Variants in ADAMTS18 observed in about 807,000 individuals in gnomAD.
ADAMTS18 encodes the protein ADAM metallopeptidase with thrombospondin type 1 motif 18, also known as A disintegrin and metalloproteinase with thrombospondin motifs 18.
A neutral mutation model predicts 165.9 loss-of-function variants in ADAMTS18; 157 were observed. The ratio of observed to expected loss-of-function variants is 0.95; its 90% CI spans 0.83 to 1.08. The LOEUF is 1.08. Ranked by LOEUF, ADAMTS18 falls within the 50% of genes least tolerant of loss-of-function variation. ADAMTS18 has a pLI of 0.00. For synonymous variants in ADAMTS18, 782 were observed against 578.2 expected, an observed-to-expected ratio of 1.35 and a Z score of -5.06; for missense variants, 2,040 against 1,534.0, an observed-to-expected ratio of 1.33 and a Z score of -5.51.
intron 16 of ADAMTS18, 151 bp from the exon 17 acceptor site, chr16:77,300,555 T>A: frequency 1.1e-6 from 1 of 933,302 alleles, no homozygotes; most frequent in Non-Finnish European, 1.7e-6. Context: ...TTATGTTGAC[T>A]TAAAGCTTTC....
At chr16:77,388,585 T>C (rs1303895308) in intron 3 of ADAMTS18, among the ~76,000 whole-genome samples, 1 of 152,164 alleles carries the variant, frequency 6.6e-6, no homozygotes, top group Non-Finnish European at 1.5e-5. Flanking sequence ...GAACACAGAA[T>C]GAGGATAAAT....
At chr16:77,358,465 G>C (rs2056663904) in intron 8 of ADAMTS18, among the ~76,000 whole-genome samples, 1 of 152,160 alleles carries the variant, frequency 6.6e-6, no homozygotes, top group Non-Finnish European at 1.5e-5. Flanking sequence ...AGGAGGCAGA[G>C]GCAGGAGAAT....
chr16:77,330,786 C>A (rs1014650310), intron 12 of ADAMTS18, among the ~76,000 whole-genome samples: 17 of 152,172 alleles, frequency 1.1e-4, no homozygotes, highest in Admixed American at 5.9e-4. Context: ...GAAATAAAGT[C>A]TGTTCTGGGA....
intron 3 of ADAMTS18, among the ~76,000 whole-genome samples, chr16:77,372,736 T>G (rs2056894340): frequency 6.6e-6 from 1 of 152,150 alleles, no homozygotes; most frequent in South Asian, 2.1e-4. Flanking sequence ...AGGATATACC[T>G]CAGAGAAGCC....
At chr16:77,292,136 G>C (rs1013955369) in intron 20 of ADAMTS18, among the ~76,000 whole-genome samples, 1 of 151,010 alleles carries the variant, frequency 6.6e-6, no homozygotes, top group Non-Finnish European at 1.5e-5. Context: ...TGAAGCCTCA[G>C]CAACATGGTG....
At chr16:77,363,942 A>C in intron 5 of ADAMTS18, 57 bp from the exon 6 acceptor site, 1 of 1,519,324 alleles carries the variant, frequency 6.6e-7, no homozygotes, top group Non-Finnish European at 9.1e-7. Context: ...CTTAGGGGGA[A>C]TCAATCAGAC....
intron 11 of ADAMTS18, among the ~76,000 whole-genome samples, chr16:77,339,736 T>C (rs7202576): frequency 0.42 from 64,113 of 151,798 alleles, 14,195 homozygotes; most frequent in East Asian, 0.61. Context: ...GGCCCCAACA[T>C]TTCTATTAAC....
intron 17 of ADAMTS18, among the ~76,000 whole-genome samples, chr16:77,298,570 C>G (rs939143001): frequency 6.6e-6 from 1 of 152,042 alleles, no homozygotes; most frequent in Non-Finnish European, 1.5e-5. Context: ...GGAAGGCGGA[C>G]TGCTTGAGGC....
At chr16:77,291,057 G>A in intron 21 of ADAMTS18, 1 of 545,888 alleles carries the variant, frequency 1.8e-6, no homozygotes, top group Non-Finnish European at 3.2e-6. Flanking sequence ...AACTCTCCCA[G>A]ATAATGATTT....
chr16:77,344,609 C>A (rs1239968084), intron 10 of ADAMTS18, among the ~76,000 whole-genome samples: 1 of 152,110 alleles, frequency 6.6e-6, no homozygotes, highest in African/African-American at 2.4e-5. Context: ...AACCCACACC[C>A]AGTGCCTATG....
At position 77,379,048 on chromosome 16, in the gene ADAMTS18, CA is replaced by C. The variant is rs2056994197; in HGVS notation, c.496-11326del. On this transcript the variant is annotated intron_variant, in intron 3 of 22. Transcript: ENST00000282849. ...AGATATTTAAAGACAGAAGAGAAACCATAAATTTTTCTACCTTGGACAGATG... is the reference window on the plus strand; with the variant it reads ...AGATATTTAAAGACAGAAGAGAAACCTAAATTTTTCTACCTTGGACAGATG... The C allele has an allele frequency of 2.1e-5, 3 of 140,632 alleles. No individual in the cohort carries two copies. The East Asian group carries it at 8.3e-4, about 39-fold the overall frequency. The allele number at this position is 140,632 out of a possible 1,614,324, so 8.7% of individuals were successfully genotyped here. A position where few individuals can be genotyped will look rare whatever the true frequency, so the allele number is the denominator to read the frequency against.
At chr16:77,333,501 A>T (rs576975043) in intron 12 of ADAMTS18, among the ~76,000 whole-genome samples, 10 of 151,588 alleles carry the variant, frequency 6.6e-5, no homozygotes, top group Admixed American at 2.6e-4. Context: ...CCAAAAAAAA[A>T]AAAATAAAAC....
chr16:77,357,161 T>A (rs968557510), intron 8 of ADAMTS18, among the ~76,000 whole-genome samples: 3 of 152,138 alleles, frequency 2.0e-5, no homozygotes, highest in Admixed American at 1.3e-4. Context: ...TATCCTGATA[T>A]AATTTCATTT....
intron 5 of ADAMTS18, 110 bp from the exon 6 acceptor site, chr16:77,363,995 G>C (rs2056754633): frequency 1.6e-6 from 2 of 1,223,230 alleles, no homozygotes; most frequent in Admixed American, 1.9e-5. Context: ...CCAAATATAT[G>C]TACATATAAA....
chr16:77,377,300 A>G (rs549182937), intron 3 of ADAMTS18, among the ~76,000 whole-genome samples: 57 of 152,344 alleles, frequency 3.7e-4, no homozygotes, highest in African/African-American at 1.3e-3. Flanking sequence ...CAGTGTTAGG[A>G]TGAGTGCACA....
chr16:77,283,969 G>C lies in ADAMTS18; in HGVS notation c.3653C>G (p.Thr1218Arg). ...AGGACACCAAGATCAGATCTTCCTT[G>C]TGCATGACTTGCAGCATTGTTTTCC... is the stretch of plus-strand genomic sequence containing the variant. Reference protein sequence around the residue: ...FYGKQCCKSCTRKI With the variant: ...FYGKQCCKSCRRKI Residue 1218 changes from threonine (T) to arginine (R), a missense_variant, in exon 23 of 23, where the codon ACA becomes AGA. Physicochemically the swap from Thr to Arg is moderately conservative, Grantham distance 71. Transcript: ENST00000282849. 1 of 1,613,660 alleles carries C rather than the reference G, an allele frequency of 6.2e-7. No individual in the cohort carries two copies.
intron 10 of ADAMTS18, among the ~76,000 whole-genome samples, chr16:77,345,418 G>T (rs549892819): frequency 6.6e-6 from 1 of 152,196 alleles, no homozygotes; most frequent in East Asian, 1.9e-4. Context: ...ACCCCCACCA[G>T]ATCATGAAAT....
intron 5 of ADAMTS18, 25 bp from the exon 6 acceptor site, chr16:77,363,910 A>G: frequency 6.2e-7 from 1 of 1,610,918 alleles, no homozygotes; most frequent in Non-Finnish European, 8.5e-7. Flanking sequence ...GAAATCAAAC[A>G]AAATCTCAAA....
At chr16:77,416,784 A>G (rs1193542721) in intron 3 of ADAMTS18, among the ~76,000 whole-genome samples, 1 of 150,686 alleles carries the variant, frequency 6.6e-6, no homozygotes, top group Non-Finnish European at 1.5e-5. Context: ...CACCACTATG[A>G]GAAGAATAGA....
Sources: gnomAD v4.1 joint callset for allele counts (sites outside exome capture counted in the v4.1 genomes callset) on GRCh38, gnomAD v4.1.1 for gene constraint, MANE v1.5 for transcripts, NCBI Gene and HGNC (gene_info 2026-07-23, HGNC 2026-07-21) for gene names.